The following POSTN variants were observed in gnomAD, a reference collection of about 807,000 sequenced individuals.
POSTN encodes the protein osteoblast specific factor 2 (fasciclin I-like).
A neutral mutation model predicts 104.5 loss-of-function variants in POSTN; 71 were observed. The observed-to-expected ratio is 0.68, with a 90% CI of 0.56 to 0.83. The LOEUF is 0.83. Ranked by LOEUF, POSTN falls within the 40% of genes least tolerant of loss-of-function variation. POSTN has a pLI of 0.00. For missense variants in POSTN, 949 were observed against 1,006.8 expected (o/e 0.94, Z 0.78); for synonymous variants, 355 against 340.7 (o/e 1.04, Z -0.46).
At chr13:37,586,641 G>A in intron 6 of POSTN, 141 bp downstream of exon 6, 1 of 761,976 alleles carries the variant, frequency 1.3e-6, no homozygotes, top group Non-Finnish European at 2.1e-6. Context: ...GGTTTCTTCT[G>A]TGTAAAATGA....
At chr13:37,564,190 A>ACAAAACATTACTTG (rs1253322554) in intron 22 of POSTN, among the ~76,000 whole-genome samples, 1 of 27,562 alleles carries the variant, frequency 3.6e-5, no homozygotes, top group East Asian at 1.1e-3. Flanking sequence ...ACATATATAT[A>ACAAAACATTACTTG]TATATATATA....
Position 37,579,095 on chromosome 13 carries a change from T to A in POSTN, c.1818A>T (p.Glu606Asp), listed in dbSNP as rs750541080. ...KEVNDTLLVN[E>D]LKSKESDIMT... ...TGATGTCAGATTCTTTTGATTTCAA[T>A]TCATTCACCAGAAGTGTATCATTTA... Residue 606 changes from glutamate (E) to aspartate (D), a missense_variant, in exon 14 of 23, where the codon GAA becomes GAT. By Grantham distance (45) the Glu-to-Asp change is conservative. Transcript: ENST00000379747. The A allele has an allele frequency of 6.2e-7, 1 of 1,613,098 alleles. No individual in the cohort carries two copies. The highest frequency in any genetic ancestry group is 2.2e-5 in the East Asian group (1 of 44,736).
rs1950892912 is a variant in POSTN at position 37,590,404 on chromosome 13, G to C, written c.409C>G (p.Pro137Ala). The C allele has an allele frequency of 6.3e-7, 1 of 1,599,874 alleles. No homozygotes were observed. The highest frequency in any genetic ancestry group is 1.3e-5 in the African/African-American group (1 of 74,684). Residue 137 changes from proline (P) to alanine (A), a missense_variant, in exon 4 of 23, where the codon CCG becomes GCG. Physicochemically the swap from Pro to Ala is conservative, Grantham distance 27. Coordinates refer to ENST00000379747, the MANE Select transcript of POSTN (RefSeq NM_006475.3). Reference sequence around the variant, plus strand: ...AAGTTGTCCCAAGCCTCATTACTCGGTGCAAAGTAAGTGAAGGATCCCTTT... The same window carrying C: ...AAGTTGTCCCAAGCCTCATTACTCGCTGCAAAGTAAGTGAAGGATCCCTTT... ...EGKGSFTYFAPSNEAWDNLDS... is the reference protein window; with the variant it reads ...EGKGSFTYFAASNEAWDNLDS...
At chr13:37,567,835 A>G (rs1950161450) in intron 21 of POSTN, among the ~76,000 whole-genome samples, 1 of 152,096 alleles carries the variant, frequency 6.6e-6, no homozygotes, top group Admixed American at 6.6e-5. Context: ...ATTTAACTGG[A>G]TTTTTCATAG....
At chr13:37,597,128 T>C in intron 2 of POSTN, 56 bp downstream of exon 2, 1 of 1,175,782 alleles carries the variant, frequency 8.5e-7, no homozygotes, top group Admixed American at 2.7e-5. Flanking sequence ...GGAAGGCATA[T>C]ACATCATGAT....
chr13:37,579,183 TTAA>T, intron 13 of POSTN, 43 bp downstream of exon 13: 1 of 1,605,580 alleles, frequency 6.2e-7, no homozygotes, highest in Non-Finnish European at 8.5e-7. Flanking sequence ...TTTAGATAAC[TTAA>T]TGATGGATGA....
At chr13:37,568,716 G>A (rs575984231) in intron 21 of POSTN, 1 of 151,350 alleles carries the variant, frequency 6.6e-6, no homozygotes, top group East Asian at 1.9e-4. Context: ...TTCATTTAAT[G>A]CCACAGACAG....
Position 37,591,568 on chromosome 13 carries a change from G to A in POSTN, c.283+532C>T, listed in dbSNP as rs117129730. ...GTGTCATATTAAAAGAATTGGGGATGGTTAGCCAGAGAATAGAAGACTTTA... is the reference window on the plus strand; with the variant it reads ...GTGTCATATTAAAAGAATTGGGGATAGTTAGCCAGAGAATAGAAGACTTTA... On this transcript the variant is annotated intron_variant, in intron 3 of 22. Coordinates refer to ENST00000379747, the MANE Select transcript of POSTN (RefSeq NM_006475.3). Among the ~76,000 whole-genome samples, 7 of 152,204 alleles carry A rather than the reference G, an allele frequency of 4.6e-5. No individual in the cohort carries two copies. The East Asian group carries it at 1.4e-3, about 29-fold the overall frequency.
At chr13:37,598,582 T>G in intron 1 of POSTN, 26 bp downstream of exon 1, 1 of 1,593,486 alleles carries the variant, frequency 6.3e-7, no homozygotes, top group East Asian at 2.2e-5. Flanking sequence ...AGAAAAATGG[T>G]TTATAAAACC....
chr13:37,563,683 G>A (rs988380579), intron 22 of POSTN, among the ~76,000 whole-genome samples: 2 of 152,046 alleles, frequency 1.3e-5, no homozygotes, highest in South Asian at 2.1e-4. Context: ...ACTTTCAAAG[G>A]TCTGTATATT....
chr13:37,562,856 T>A lies in POSTN; in HGVS notation c.*477A>T, dbSNP rs947963975. The A allele has an allele frequency of 2.0e-5, 3 of 152,286 alleles. No individual in the cohort carries two copies. Among genetic ancestry groups the A allele is most frequent in the African/African-American group, 7.2e-5 (3 of 41,462 alleles). 9.4% of individuals were successfully genotyped at this position (152,286 alleles called of 1,614,324 possible). A position where few individuals can be genotyped will look rare whatever the true frequency, so the allele number is the denominator to read the frequency against. On this transcript the variant is annotated 3_prime_UTR_variant, in exon 23 of 23. Coordinates refer to ENST00000379747, the MANE Select transcript of POSTN (RefSeq NM_006475.3). ...CAGTAAACCCACTCATATAGAAATG[T>A]GCAAAGCCTTTTGATATAAAAAGTT...
chr13:37,585,636 G>A (rs1483478047), intron 7 of POSTN, among the ~76,000 whole-genome samples: 1 of 152,008 alleles, frequency 6.6e-6, no homozygotes, highest in Non-Finnish European at 1.5e-5. Context: ...ATCTTAAATT[G>A]GTTAAATGTA....
intron 21 of POSTN, among the ~76,000 whole-genome samples, chr13:37,567,657 C>G (rs1005685756): frequency 6.6e-6 from 1 of 151,864 alleles, no homozygotes; most frequent in Non-Finnish European, 1.5e-5. Flanking sequence ...TTGTGAAAAC[C>G]GATGCCTTAC....
chr13:37,595,428 A>C (rs970162141), intron 2 of POSTN, among the ~76,000 whole-genome samples: 1 of 152,202 alleles, frequency 6.6e-6, no homozygotes, highest in South Asian at 2.1e-4. Flanking sequence ...TTCAGGTCAA[A>C]AGATAACATC....
chr13:37,582,383 C>T lies in POSTN; in HGVS notation c.1375G>A (p.Val459Ile), dbSNP rs1365974558. The T allele has an allele frequency of 1.9e-6, 3 of 1,612,946 alleles. No homozygotes were observed. Among genetic ancestry groups the T allele is most frequent in the Non-Finnish European group, 1.7e-6 (2 of 1,179,680 alleles). The change falls in exon 10 of 23, where the codon GTC becomes ATC. Residue 459 changes from valine to isoleucine, a missense_variant. Physicochemically the swap from Val to Ile is conservative, Grantham distance 29. Transcript: ENST00000379747. ...TCACTTACTGTACGATATACGAAGA[C>T]TCTGAGCTGTTTGCCTCCGATGGTT... ...LETIGGKQLRVFVYRTAVCIE... is the reference protein window; with the variant it reads ...LETIGGKQLRIFVYRTAVCIE...
At position 37,576,407 on chromosome 13, in the gene POSTN, T is replaced by A. The variant is rs1282539186; in HGVS notation, c.2008+1346A>T. ...AGCTGTTTCAAGGCCTCTGGGTAGG[T>A]AGGGAAGGACCATTGAACATGTGTG... On this transcript the variant is annotated intron_variant, in intron 16 of 22. Coordinates refer to ENST00000379747, the MANE Select transcript of POSTN (RefSeq NM_006475.3). Among the ~76,000 whole-genome samples, 4 of 152,122 alleles carry A rather than the reference T, an allele frequency of 2.6e-5. No homozygotes were observed. The East Asian group carries it at 7.7e-4, about 29-fold the overall frequency.
intron 2 of POSTN, among the ~76,000 whole-genome samples, chr13:37,595,060 T>TA (rs397739056): frequency 6.6e-6 from 1 of 151,248 alleles, no homozygotes; most frequent in Non-Finnish European, 1.5e-5. Flanking sequence ...TTTTTTTTTT[T>TA]AATGGAAAGC....
intron 21 of POSTN, chr13:37,569,091 A>G: frequency 2.7e-6 from 1 of 377,072 alleles, no homozygotes; most frequent in African/African-American, 2.1e-5. Flanking sequence ...TTTATACCAT[A>G]GAACTTTTTA....
At chr13:37,594,440 G>GA (rs899757274) in intron 2 of POSTN, among the ~76,000 whole-genome samples, 1 of 149,424 alleles carries the variant, frequency 6.7e-6, no homozygotes, top group South Asian at 2.1e-4. Context: ...ATTTTGAAAA[G>GA]AAAAAAAAAG....
Sources: gnomAD v4.1 joint callset for allele counts (sites outside exome capture counted in the v4.1 genomes callset) on GRCh38, gnomAD v4.1.1 for gene constraint, MANE v1.5 for transcripts, NCBI Gene and HGNC (gene_info 2026-07-23, HGNC 2026-07-21) for gene names.